Variants in BMP6 observed in about 807,000 individuals in gnomAD.
The protein encoded by BMP6 is bone morphogenetic protein 6.
Under a neutral mutation model 54.1 loss-of-function variants are expected in BMP6, and 17 were observed. The ratio of observed to expected loss-of-function variants is 0.31; its 90% CI spans 0.22 to 0.47. The LOEUF (loss-of-function observed/expected upper bound fraction) is 0.47. BMP6 is among the 20% of genes least tolerant of loss of function. The pLI, the probability that BMP6 is intolerant of heterozygous loss-of-function variation, is 1.00. For missense variants in BMP6, 720 were observed against 690.4 expected, an observed-to-expected ratio of 1.04 and a Z score of -0.48; for synonymous variants, 328 against 291.2, an observed-to-expected ratio of 1.13 and a Z score of -1.28.
In BMP6 at chr6:7,727,065, C is replaced by T; in HGVS notation, c.110C>T (p.Ala37Val). 1.6e-6 allele frequency: 2 copies of T among 1,215,050 alleles called. No homozygotes were observed. The highest frequency in any genetic ancestry group is 2.0e-6 in the Non-Finnish European group (2 of 977,256). The allele number at this position is 1,215,050 out of a possible 1,614,324, so 75.3% of individuals were successfully genotyped here. A position where few individuals can be genotyped will look rare whatever the true frequency, so the allele number is the denominator to read the frequency against. The change falls in exon 1 of 7, where the codon GCC (alanine) becomes GTC (valine). Residue 37 changes from alanine (A) to valine (V), a missense_variant. By Grantham distance (64) the Ala-to-Val change is moderately conservative. Coordinates refer to ENST00000283147, the MANE Select transcript of BMP6 (RefSeq NM_001718.6). ...LRPPLPAAAA[A>V]AAGGQLLGDG... ...CCGCCCTTGCCCGCTGCCGCGGCCG[C>T]CGCCGCCGGGGGGCAGCTGCTGGGG...
chr6:7,818,784 C>G (rs944800324), intron 1 of BMP6, among the ~76,000 whole-genome samples: 3 of 152,202 alleles, frequency 2.0e-5, no homozygotes, highest in Non-Finnish European at 2.9e-5. Context: ...TCAGGTCACA[C>G]GCCTCATGCC....
chr6:7,833,771 G>A (rs907653510), intron 1 of BMP6, among the ~76,000 whole-genome samples: 2 of 152,216 alleles, frequency 1.3e-5, no homozygotes, highest in Non-Finnish European at 2.9e-5. Context: ...TCAGACATTA[G>A]GCAGAGTTTA....
intron 1 of BMP6, among the ~76,000 whole-genome samples, chr6:7,793,481 T>C (rs1405227577): frequency 6.6e-6 from 1 of 152,106 alleles, no homozygotes; most frequent in Non-Finnish European, 1.5e-5. Flanking sequence ...ACCCATAGAC[T>C]ATACAACACC....
chr6:7,729,585 G>T (rs1437656459), intron 1 of BMP6, among the ~76,000 whole-genome samples: 4 of 152,250 alleles, frequency 2.6e-5, no homozygotes, highest in Non-Finnish European at 5.9e-5. Flanking sequence ...AGTTAGGTCA[G>T]AATCTTTTGA....
At chr6:7,759,617 A>G (rs1021047958) in intron 1 of BMP6, among the ~76,000 whole-genome samples, 3 of 152,030 alleles carry the variant, frequency 2.0e-5, no homozygotes, top group Admixed American at 6.6e-5. Context: ...GACTAAACAA[A>G]TCAGATTTTA....
intron 1 of BMP6, among the ~76,000 whole-genome samples, chr6:7,790,699 T>A (rs532842663): frequency 2.6e-5 from 4 of 152,274 alleles, no homozygotes; most frequent in Admixed American, 2.6e-4. Context: ...AGTTTGTCCG[T>A]AGCATCATGG....
At chr6:7,855,901 G>A (rs892455960) in intron 2 of BMP6, among the ~76,000 whole-genome samples, 8 of 151,718 alleles carry the variant, frequency 5.3e-5, no homozygotes, top group African/African-American at 1.7e-4. Flanking sequence ...TACCTCTTAC[G>A]GTTGTTGTGA....
At chr6:7,783,729 A>G (rs905984064) in intron 1 of BMP6, among the ~76,000 whole-genome samples, 2 of 152,246 alleles carry the variant, frequency 1.3e-5, no homozygotes, top group Admixed American at 1.3e-4. Context: ...TGATGACCTC[A>G]ATACTCCTTC....
intron 1 of BMP6, among the ~76,000 whole-genome samples, chr6:7,776,755 A>G (rs1233569654): frequency 6.6e-6 from 1 of 152,274 alleles, no homozygotes; most frequent in East Asian, 1.9e-4. Context: ...GCCTCAAACA[A>G]TTTTCCCACG....
chr6:7,760,824 A>G (rs1043703906), intron 1 of BMP6, among the ~76,000 whole-genome samples: 8 of 152,332 alleles, frequency 5.3e-5, no homozygotes, highest in African/African-American at 1.9e-4. Context: ...AGTTAAAGTA[A>G]AGTTTTGAAT....
In BMP6 at chr6:7,727,224, C is replaced by T; in HGVS notation, c.269C>T (p.Pro90Leu). The T allele has an allele frequency of 6.2e-7, 1 of 1,605,794 alleles. No individual in the cohort carries two copies. The highest frequency in any genetic ancestry group is 1.3e-5 in the African/African-American group (1 of 74,864). ...QKEILSVLGL[P>L]HRPRPLHGLQ... The stretch of plus-strand genomic sequence containing the variant: ...GAGATCTTGTCGGTGCTGGGGCTCC[C>T]GCACCGGCCCCGGCCCCTGCACGGC... The change falls in exon 1 of 7, where the codon CCG becomes CTG. Residue 90 changes from proline (P) to leucine (L), a missense_variant. Physicochemically the swap from Pro to Leu is moderately conservative, Grantham distance 98. Transcript: ENST00000283147.
chr6:7,864,470 G>C (rs1393372842), intron 4 of BMP6, among the ~76,000 whole-genome samples: 1 of 152,164 alleles, frequency 6.6e-6, no homozygotes, highest in Non-Finnish European at 1.5e-5. Context: ...CATATGTTGG[G>C]ATCCCTGGAA....
intron 4 of BMP6, among the ~76,000 whole-genome samples, chr6:7,867,473 T>C (rs190704656): frequency 5.6e-4 from 86 of 152,340 alleles, no homozygotes; most frequent in African/African-American, 2.1e-3. Flanking sequence ...ATTGTTACAG[T>C]GTCCTCACTA....
At chr6:7,759,242 C>T (rs1354112029) in intron 1 of BMP6, among the ~76,000 whole-genome samples, 4 of 152,092 alleles carry the variant, frequency 2.6e-5, no homozygotes, top group Non-Finnish European at 5.9e-5. Flanking sequence ...TCAATCTTAC[C>T]AGGAACGTGG....
chr6:7,865,074 C>A (rs1759397726), intron 4 of BMP6, among the ~76,000 whole-genome samples: 1 of 151,962 alleles, frequency 6.6e-6, no homozygotes, highest in Admixed American at 6.6e-5. Context: ...TATTCAGTAC[C>A]CCCCACCCAA....
chr6:7,861,738 C>A (rs1392408502), intron 3 of BMP6, 139 bp downstream of exon 3: 5 of 1,296,752 alleles, frequency 3.9e-6, no homozygotes, highest in Admixed American at 2.3e-5. Context: ...TCCCCCATGA[C>A]TTGCATTGAG....
In BMP6 at chr6:7,814,293, G is replaced by A. The variant is rs1180256450; in HGVS notation, c.665-30847G>A. 3.9e-5 allele frequency among the ~76,000 whole-genome samples: 6 copies of A among 152,158 alleles called. No individual in the cohort carries two copies. The East Asian group carries it at 7.7e-4, about 20-fold the overall frequency. ...TCCCTATTGCCACGTAACTTAATCA[G>A]GACATGACATCTCATCATGTTTATA... On this transcript the variant is annotated intron_variant, in intron 1 of 6. Coordinates refer to ENST00000283147, the MANE Select transcript of BMP6 (RefSeq NM_001718.6).
rs115177717 is a variant in BMP6 at position 7,857,500 on chromosome 6, C to G, written c.858-3951C>G. On this transcript the variant is annotated intron_variant, in intron 2 of 6. Coordinates refer to ENST00000283147, the MANE Select transcript of BMP6 (RefSeq NM_001718.6). ...AAGATTTTCTTTCGTGGTTTGCCACCTTGAGAGTATGTCACCTCAATAGGA... is the reference window on the plus strand; with the variant it reads ...AAGATTTTCTTTCGTGGTTTGCCACGTTGAGAGTATGTCACCTCAATAGGA... Among the ~76,000 whole-genome samples, 1,166 of 152,304 alleles carry G rather than the reference C, an allele frequency of 7.7e-3. 18 individuals are homozygous for G. Among genetic ancestry groups the G allele is most frequent in the African/African-American group, 0.027 (1,118 of 41,568 alleles).
intron 2 of BMP6, among the ~76,000 whole-genome samples, chr6:7,854,099 C>A (rs564914761): frequency 6.6e-6 from 1 of 152,152 alleles, no homozygotes; most frequent in Non-Finnish European, 1.5e-5. Flanking sequence ...GGGCAGGAGA[C>A]GCTGTTCTTT....
Sources: gnomAD v4.1 joint callset for allele counts (sites outside exome capture counted in the v4.1 genomes callset) on GRCh38, gnomAD v4.1.1 for gene constraint, MANE v1.5 for transcripts, NCBI Gene and HGNC (gene_info 2026-07-23, HGNC 2026-07-21) for gene names.